The following FARP1 variants were observed in gnomAD, a reference collection of about 807,000 sequenced individuals.
FARP1 encodes FERM, ARHGEF and pleckstrin domain-containing protein 1.
Under a neutral mutation model 128.8 loss-of-function variants are expected in FARP1, and 52 were observed. That is an observed-to-expected ratio of 0.40 (90% CI 0.32 to 0.51). The LOEUF (loss-of-function observed/expected upper bound fraction) is 0.51. Among genes scored for constraint, FARP1 ranks in the 20% least tolerant of loss-of-function variants. The pLI is 0.45. For missense variants in FARP1, 1,333 were observed against 1,367.9 expected (o/e 0.97, Z 0.40); for synonymous variants, 580 against 551.8 (o/e 1.05, Z -0.72).
At position 98,225,232 on chromosome 13, in the gene FARP1, C is replaced by T. The variant is rs78854833; in HGVS notation, c.171+11819C>T. Among the ~76,000 whole-genome samples, 1,282 of 152,280 alleles carry T rather than the reference C, an allele frequency of 8.4e-3. 14 individuals are homozygous for T. Among genetic ancestry groups the T allele is most frequent in the African/African-American group, 0.029 (1,208 of 41,564 alleles). On this transcript the variant is annotated intron_variant, in intron 2 of 26. Transcript: ENST00000319562. ...AGCTGTTAAACGGGACGTCTGGTTTCGTGATCCAGTGCCGAGAACAACTCT... is the reference window on the plus strand; with the variant it reads ...AGCTGTTAAACGGGACGTCTGGTTTTGTGATCCAGTGCCGAGAACAACTCT...
intron 2 of FARP1, among the ~76,000 whole-genome samples, chr13:98,272,463 A>G (rs1343705178): frequency 6.6e-6 from 1 of 152,238 alleles, no homozygotes; most frequent in East Asian, 1.9e-4. Context: ...CGTTCGTGAA[A>G]TGCATACCCT....
chr13:98,409,227 T>C lies in FARP1; in HGVS notation c.1415-111T>C, dbSNP rs1891093173. The C allele has an allele frequency of 8.4e-6, 7 of 829,332 alleles. No homozygotes were observed. In the South Asian group the frequency reaches 1.2e-4, roughly 14 times the overall value. The allele number at this position is 829,332 out of a possible 1,614,324, so 51.4% of individuals were successfully genotyped here. A position where few individuals can be genotyped will look rare whatever the true frequency, so the allele number is the denominator to read the frequency against. The stretch of plus-strand genomic sequence containing the variant: ...ATAAAGAATCGCTTTAGGTTTGCCA[T>C]GGCGGGGTAGTCAAATCTTACGATT... On this transcript the variant is annotated intron_variant, in intron 13 of 26. Coordinates refer to ENST00000319562, the MANE Select transcript of FARP1 (RefSeq NM_005766.4).
chr13:98,419,303 A>G (rs9517287), intron 16 of FARP1, among the ~76,000 whole-genome samples: 27,886 of 151,996 alleles, frequency 0.18, 2,741 homozygotes, highest in Middle Eastern at 0.26. Flanking sequence ...GTGAAACCCC[A>G]TCTCTACTAA....
chr13:98,436,004 T>C (rs886512109), intron 19 of FARP1: 8 of 376,132 alleles, frequency 2.1e-5, no homozygotes. Flanking sequence ...ATTTTATTTT[T>C]TTTAAATGTA....
At chr13:98,309,656 G>T (rs1257050770) in intron 2 of FARP1, among the ~76,000 whole-genome samples, 1 of 152,190 alleles carries the variant, frequency 6.6e-6, no homozygotes. Flanking sequence ...AAAGTGGAAC[G>T]AAAGGAGGGA....
At chr13:98,244,429 T>A (rs1195313823) in intron 2 of FARP1, 2 of 1,477,808 alleles carry the variant, frequency 1.4e-6, no homozygotes, top group Non-Finnish European at 1.8e-6. Flanking sequence ...TACTGTTTTT[T>A]AAAAAACAAC....
chr13:98,345,116 C>G (rs1888126010), intron 3 of FARP1, among the ~76,000 whole-genome samples: 1 of 152,210 alleles, frequency 6.6e-6, no homozygotes, highest in Non-Finnish European at 1.5e-5. Flanking sequence ...AATATTGTTT[C>G]ATGCTCTTAT....
At chr13:98,375,881 G>A (rs1210759482) in intron 5 of FARP1, among the ~76,000 whole-genome samples, 1 of 152,000 alleles carries the variant, frequency 6.6e-6, no homozygotes, top group South Asian at 2.1e-4. Context: ...CACCCGCCTC[G>A]GCCTCCCAAA....
intron 3 of FARP1, among the ~76,000 whole-genome samples, chr13:98,352,086 C>T (rs1317525013): frequency 2.6e-5 from 4 of 152,080 alleles, no homozygotes; most frequent in African/African-American, 4.8e-5. Context: ...CAAGGCCGTA[C>T]ATAAAGACAG....
rs1191729246 is a variant in FARP1, at chr13:98,307,947, GCTTCCTGC to G, written c.172-35811_172-35804del. On this transcript the variant is annotated intron_variant, in intron 2 of 26. Coordinates refer to ENST00000319562, the MANE Select transcript of FARP1 (RefSeq NM_005766.4). ...TCGTTTACAATCTGACGGCAGCCTA[GCTTCCTGC>G]CTTATGTTCCTTAGCCCTTGAACAG... 2.6e-5 allele frequency among the ~76,000 whole-genome samples: 4 copies of G among 151,778 alleles called. No individual in the cohort carries two copies. The South Asian group carries it at 8.3e-4, about 31-fold the overall frequency.
chr13:98,144,688 G>C (rs1169120380), intron 1 of FARP1, among the ~76,000 whole-genome samples: 7 of 152,194 alleles, frequency 4.6e-5, no homozygotes, highest in African/African-American at 1.7e-4. Flanking sequence ...ACATCCTCCA[G>C]CATTGTCTTG....
At chr13:98,377,999 C>A in intron 6 of FARP1, 81 bp downstream of exon 6, 2 of 1,065,146 alleles carry the variant, frequency 1.9e-6, no homozygotes, top group South Asian at 1.4e-5. Context: ...TCACATCCAC[C>A]AAAAAAGAAA....
chr13:98,370,068 G>A (rs887532463), intron 5 of FARP1, among the ~76,000 whole-genome samples: 6 of 152,210 alleles, frequency 3.9e-5, no homozygotes, highest in Admixed American at 1.3e-4. Context: ...ATCAGATAGC[G>A]GCAAGAACTC....
intron 2 of FARP1, among the ~76,000 whole-genome samples, chr13:98,336,101 GT>G: frequency 6.6e-6 from 1 of 152,326 alleles, no homozygotes; most frequent in Admixed American, 6.5e-5. Context: ...ATTTAATGTG[GT>G]AGGGAGAGGG....
intron 2 of FARP1, among the ~76,000 whole-genome samples, chr13:98,257,205 G>A (rs1883657434): frequency 6.6e-6 from 1 of 151,728 alleles, no homozygotes; most frequent in Non-Finnish European, 1.5e-5. Flanking sequence ...TTTGGAGATG[G>A]ACTCATCTGT....
intron 2 of FARP1, among the ~76,000 whole-genome samples, chr13:98,296,069 C>G (rs576835941): frequency 6.6e-6 from 1 of 152,156 alleles, no homozygotes; most frequent in East Asian, 1.9e-4. Flanking sequence ...GCGACACCAG[C>G]TAACTGCATC....
intron 2 of FARP1, among the ~76,000 whole-genome samples, chr13:98,336,421 C>T (rs1256063660): frequency 2.0e-5 from 3 of 152,092 alleles, no homozygotes; most frequent in Admixed American, 6.6e-5. Context: ...AGGCACGCGC[C>T]ACCACGCCCA....
chr13:98,436,902 C>T (rs998733), intron 19 of FARP1, among the ~76,000 whole-genome samples: 17,137 of 152,186 alleles, frequency 0.11, 1,161 homozygotes, highest in African/African-American at 0.19. Flanking sequence ...GAACAGACCA[C>T]TGATAAAGAA....
intron 2 of FARP1, among the ~76,000 whole-genome samples, chr13:98,256,948 GATATATATATATATATATATATATAT>G (rs56701739): frequency 2.2e-4 from 17 of 77,096 alleles, no homozygotes; most frequent in Middle Eastern, 0.012. Flanking sequence ...TATATATGTG[GATATATATATATATATATATATATAT>G]ATATATATAT....
Sources: allele counts gnomAD v4.1 joint callset (sites outside exome capture counted in the v4.1 genomes callset), GRCh38; gene constraint gnomAD v4.1.1; transcripts MANE v1.5; gene names NCBI Gene and HGNC (gene_info 2026-07-23, HGNC 2026-07-21).